The following MACROD1 variants were observed in gnomAD, a reference collection of about 807,000 sequenced individuals.
MACROD1 encodes mono-ADP ribosylhydrolase 1, also known as ADP-ribose glycohydrolase MACROD1.
In MACROD1, 31 loss-of-function variants were observed where a neutral mutation model predicts 41.4. That is an observed-to-expected ratio of 0.75 (90% CI 0.56 to 1.01). The LOEUF is 1.01. MACROD1 is among the 50% of genes least tolerant of loss of function. The pLI, the probability that MACROD1 is intolerant of heterozygous loss-of-function variation, is 0.00. For synonymous variants in MACROD1, 252 were observed against 203.4 expected (o/e 1.24, Z -2.03); for missense variants, 473 against 460.0 (o/e 1.03, Z -0.26).
In MACROD1 at chr11:64,084,625, A is replaced by C. The variant is rs552645732; in HGVS notation, c.517+66614T>G. On this transcript the variant is annotated intron_variant, in intron 3 of 10. Transcript: ENST00000255681. ...GTACCCACTTAGGACAGCGCCTAGA[A>C]GGGACCCAGCGCATGGCAGTGGGGT... 5.3e-4 allele frequency among the ~76,000 whole-genome samples: 80 copies of C among 152,296 alleles called. No homozygotes were observed. The South Asian group carries it at 0.015, about 29-fold the overall frequency.
At chr11:64,108,711 G>A (rs985445335) in intron 3 of MACROD1, among the ~76,000 whole-genome samples, 12 of 152,200 alleles carry the variant, frequency 7.9e-5, no homozygotes, top group African/African-American at 2.7e-4. Flanking sequence ...CTGCCTGCAC[G>A]GCATTCTCAG....
intron 4 of MACROD1, among the ~76,000 whole-genome samples, chr11:64,007,595 C>G (rs1328934280): frequency 1.3e-5 from 2 of 152,092 alleles, no homozygotes; most frequent in South Asian, 2.1e-4. Flanking sequence ...GGAATTGATT[C>G]GAGCGCGGTG....
Position 64,090,265 on chromosome 11 carries a change from G to A in MACROD1, c.517+60974C>T, listed in dbSNP as rs148426551. On this transcript the variant is annotated intron_variant, in intron 3 of 10. Coordinates refer to ENST00000255681, the MANE Select transcript of MACROD1 (RefSeq NM_014067.4). The surrounding 1 kb of genome is among the most constrained non-coding windows in gnomAD (Gnocchi z 4.7). Reference sequence around the variant, plus strand: ...GGGTCTCCAGCCTTTGCTCATCCTCGGGAAATGCATCGTGCGTTGCTTTTC... The same window carrying A: ...GGGTCTCCAGCCTTTGCTCATCCTCAGGAAATGCATCGTGCGTTGCTTTTC... Among the ~76,000 whole-genome samples, 79 of 152,250 alleles carry A rather than the reference G, an allele frequency of 5.2e-4. 1 individual carries two copies. In the East Asian group the frequency reaches 0.011, roughly 20 times the overall value.
intron 4 of MACROD1, among the ~76,000 whole-genome samples, chr11:64,014,252 T>C (rs1943051847): frequency 6.6e-6 from 1 of 151,966 alleles, no homozygotes; most frequent in African/African-American, 2.4e-5. Flanking sequence ...AGGACCACAG[T>C]CCCCGGCAAA....
intron 3 of MACROD1, among the ~76,000 whole-genome samples, chr11:64,065,076 C>G (rs952209887): frequency 6.6e-6 from 1 of 152,188 alleles, no homozygotes; most frequent in East Asian, 1.9e-4. Context: ...AGCACAGGCA[C>G]CTGAGCCAGA....
chr11:64,061,547 C>G (rs1188845971), intron 3 of MACROD1, among the ~76,000 whole-genome samples: 1 of 152,232 alleles, frequency 6.6e-6, no homozygotes, highest in African/African-American at 2.4e-5. Flanking sequence ...GTTCACCATT[C>G]AGGGTTCTGA....
At chr11:64,058,684 G>A (rs540502211) in intron 3 of MACROD1, among the ~76,000 whole-genome samples, 183 of 152,378 alleles carry the variant, frequency 1.2e-3, no homozygotes, top group Non-Finnish European at 1.4e-3. Flanking sequence ...CACGCCGGCT[G>A]CAACCGCTCA....
At chr11:64,034,335 C>T (rs901631973) in intron 3 of MACROD1, among the ~76,000 whole-genome samples, 4 of 152,108 alleles carry the variant, frequency 2.6e-5, no homozygotes, top group Non-Finnish European at 4.4e-5. Flanking sequence ...CGCCACAGGG[C>T]GGTGGCATTG....
rs80061941 is a variant in MACROD1, at chr11:64,116,710, C to G, written c.517+34529G>C. ...CGCACCATTGCCAGGGACTCGCTGGCCCGCATCCCGCTGCTGGAGAAGCTG... is the reference window on the plus strand; with the variant it reads ...CGCACCATTGCCAGGGACTCGCTGGGCCGCATCCCGCTGCTGGAGAAGCTG... On this transcript the variant is annotated intron_variant, in intron 3 of 10. Coordinates refer to ENST00000255681, the MANE Select transcript of MACROD1 (RefSeq NM_014067.4). 1.9e-6 allele frequency: 3 copies of G among 1,613,822 alleles called. No homozygotes were observed. Among genetic ancestry groups the G allele is most frequent in the East Asian group, 4.5e-5 (2 of 44,874 alleles).
intron 3 of MACROD1, among the ~76,000 whole-genome samples, chr11:64,039,135 G>A (rs527431608): frequency 5.4e-4 from 83 of 152,300 alleles, no homozygotes; most frequent in Admixed American, 1.8e-3. Flanking sequence ...AAGGGGCAGT[G>A]GGAAATGCCC....
intron 3 of MACROD1, among the ~76,000 whole-genome samples, chr11:64,136,936 G>A (rs940508417): frequency 3.9e-5 from 6 of 152,222 alleles, no homozygotes; most frequent in Admixed American, 6.5e-5. Context: ...GGGCTGGTGC[G>A]GGGCTGGAGT....
In MACROD1 at chr11:64,058,477, C is replaced by T. The variant is rs111440864; in HGVS notation, c.518-43196G>A. Among the ~76,000 whole-genome samples the T allele has an allele frequency of 1.8e-4, 27 of 152,372 alleles. 1 individual carries two copies. The highest frequency in any genetic ancestry group is 6.0e-4 in the African/African-American group (25 of 41,594). Reference sequence around the variant, plus strand: ...AGCTGCCACCTGGGTGGGCGAAGAGCAGGTCAGGCCTTTTCCCAGGCAGCT... The same window carrying T: ...AGCTGCCACCTGGGTGGGCGAAGAGTAGGTCAGGCCTTTTCCCAGGCAGCT... On this transcript the variant is annotated intron_variant, in intron 3 of 10. Coordinates refer to ENST00000255681, the MANE Select transcript of MACROD1 (RefSeq NM_014067.4).
At chr11:64,000,200 A>G in intron 5 of MACROD1, 27 bp downstream of exon 5, 1 of 1,571,130 alleles carries the variant, frequency 6.4e-7, no homozygotes, top group Non-Finnish European at 8.7e-7. Flanking sequence ...TCTGCGCCCC[A>G]CAGCTGGGGG....
chr11:64,164,068 G>A (rs949759439), intron 1 of MACROD1, among the ~76,000 whole-genome samples: 10 of 152,176 alleles, frequency 6.6e-5, no homozygotes, highest in African/African-American at 2.2e-4. Flanking sequence ...TGAGGTTACC[G>A]GGCCTTGTCT....
At position 64,118,276 on chromosome 11, in the gene MACROD1, A is replaced by C. The variant is rs1466975187; in HGVS notation, c.517+32963T>G. ...CGGGACGGCGGCATCCCCGACATAG[A>C]CTACTCCTACACATGATGCCCGCCC... On this transcript the variant is annotated intron_variant, in intron 3 of 10. Coordinates refer to ENST00000255681, the MANE Select transcript of MACROD1 (RefSeq NM_014067.4). The C allele has an allele frequency of 6.3e-6, 10 of 1,583,008 alleles. No homozygotes were observed. In the Admixed American group the frequency reaches 1.7e-4, roughly 27 times the overall value.
At chr11:64,115,906 A>G (rs1000270937) in intron 3 of MACROD1, among the ~76,000 whole-genome samples, 7 of 152,216 alleles carry the variant, frequency 4.6e-5, no homozygotes, top group African/African-American at 1.7e-4. Flanking sequence ...CTCTCACTAA[A>G]TTAACCTCCC....
intron 3 of MACROD1, among the ~76,000 whole-genome samples, chr11:64,100,556 G>A (rs1590907986): frequency 6.6e-6 from 1 of 152,220 alleles, no homozygotes; most frequent in South Asian, 2.1e-4. Flanking sequence ...GCCACTGGGG[G>A]TGCTGTGGCT....
At chr11:64,051,275 G>A (rs1943688947) in intron 3 of MACROD1, among the ~76,000 whole-genome samples, 1 of 152,218 alleles carries the variant, frequency 6.6e-6, no homozygotes, top group Non-Finnish European at 1.5e-5. Flanking sequence ...GGAGGGGAGG[G>A]GCTGGTCCCT....
intron 3 of MACROD1, among the ~76,000 whole-genome samples, chr11:64,028,035 C>T (rs1429738886): frequency 3.9e-5 from 6 of 152,258 alleles, no homozygotes; most frequent in South Asian, 2.1e-4. Context: ...GCCGGGCACC[C>T]GCCACCTCTC....
Sources: gnomAD v4.1 joint callset for allele counts (sites outside exome capture counted in the v4.1 genomes callset) on GRCh38, gnomAD v4.1.1 for gene constraint, Gnocchi (gnomAD v3.1) non-coding constraint, MANE v1.5 for transcripts, NCBI Gene and HGNC (gene_info 2026-07-23, HGNC 2026-07-21) for gene names.